The following CADPS variants were observed in gnomAD, a reference collection of about 807,000 sequenced individuals.
CADPS encodes the protein calcium dependent secretion activator.
A neutral mutation model predicts 167.3 loss-of-function variants in CADPS; 57 were observed. The ratio of observed to expected loss-of-function variants is 0.34; its 90% CI spans 0.28 to 0.42. The LOEUF (loss-of-function observed/expected upper bound fraction) is 0.42. Ranked by LOEUF, CADPS falls within the 20% of genes least tolerant of loss-of-function variation. The probability of loss-of-function intolerance (pLI) is 1.00; values close to 1 mark genes in which losing one functional copy is unlikely to be tolerated. For missense variants in CADPS, 1,414 were observed against 1,738.1 expected (o/e 0.81, Z 3.32); for synonymous variants, 676 against 635.3 (o/e 1.06, Z -0.96).
chr3:62,774,163 A>C (rs748122804), intron 1 of CADPS, among the ~76,000 whole-genome samples: 3 of 152,148 alleles, frequency 2.0e-5, no homozygotes, highest in Non-Finnish European at 4.4e-5. Context: ...AGAAGAGGAA[A>C]AGGATCAAAG....
intron 1 of CADPS, among the ~76,000 whole-genome samples, chr3:62,854,642 T>C (rs1445346450): frequency 1.3e-5 from 2 of 152,194 alleles, no homozygotes; most frequent in East Asian, 1.9e-4. Context: ...AGATTGCATG[T>C]TATCTTCTGG....
intron 6 of CADPS, among the ~76,000 whole-genome samples, chr3:62,634,052 C>T (rs2065800122): frequency 6.6e-6 from 1 of 152,126 alleles, no homozygotes; most frequent in Non-Finnish European, 1.5e-5. Flanking sequence ...TTCAGTATGG[C>T]CAATCGTTGA....
chr3:62,788,469 C>T (rs1424347587), intron 1 of CADPS, among the ~76,000 whole-genome samples: 3 of 152,066 alleles, frequency 2.0e-5, no homozygotes, highest in East Asian at 1.9e-4. Flanking sequence ...TAAACAAGAT[C>T]GTAAATAAGG....
chr3:62,702,690 G>C (rs1348011864), intron 3 of CADPS, among the ~76,000 whole-genome samples: 3 of 152,072 alleles, frequency 2.0e-5, no homozygotes, highest in Non-Finnish European at 4.4e-5. Context: ...TGTTTTATCT[G>C]CCTTCTTCAT....
At chr3:62,614,396 A>G (rs1221656005) in intron 6 of CADPS, among the ~76,000 whole-genome samples, 1 of 152,196 alleles carries the variant, frequency 6.6e-6, no homozygotes, top group African/African-American at 2.4e-5. Flanking sequence ...AGGGTGGCTT[A>G]CTTCAGTCAA....
intron 13 of CADPS, among the ~76,000 whole-genome samples, chr3:62,529,833 G>A (rs1324416193): frequency 6.6e-6 from 1 of 152,184 alleles, no homozygotes; most frequent in Non-Finnish European, 1.5e-5. Context: ...TGAGAATTTT[G>A]GGTAGCTTGG....
intron 18 of CADPS, among the ~76,000 whole-genome samples, chr3:62,495,675 A>G (rs1279788881): frequency 1.3e-5 from 2 of 152,222 alleles, no homozygotes; most frequent in African/African-American, 4.8e-5. Context: ...ACTCCTCTAT[A>G]TACCACAATA....
chr3:62,865,061 A>G (rs2081434710), intron 1 of CADPS, among the ~76,000 whole-genome samples: 1 of 152,178 alleles, frequency 6.6e-6, no homozygotes, highest in Non-Finnish European at 1.5e-5. Context: ...TGAACACAGT[A>G]TGTTATGACA....
At chr3:62,623,836 A>G (rs2063562534) in intron 6 of CADPS, among the ~76,000 whole-genome samples, 1 of 152,152 alleles carries the variant, frequency 6.6e-6, no homozygotes, top group Non-Finnish European at 1.5e-5. Flanking sequence ...AAATGCTTTG[A>G]TATCATAAAT....
intron 8 of CADPS, among the ~76,000 whole-genome samples, chr3:62,580,414 C>T (rs1298200271): frequency 6.6e-6 from 1 of 151,944 alleles, no homozygotes; most frequent in Non-Finnish European, 1.5e-5. Context: ...GGAAAGGGAA[C>T]ATCACACTCT....
chr3:62,603,748 A>G (rs1285079831), intron 6 of CADPS, among the ~76,000 whole-genome samples: 2 of 152,106 alleles, frequency 1.3e-5, no homozygotes, highest in Non-Finnish European at 2.9e-5. Flanking sequence ...CATATTGATC[A>G]TAGTTTTTAT....
At chr3:62,535,623 A>G (rs1306347206) in intron 12 of CADPS, among the ~76,000 whole-genome samples, 1 of 151,994 alleles carries the variant, frequency 6.6e-6, no homozygotes, top group Non-Finnish European at 1.5e-5. Flanking sequence ...ATTTTCCCTC[A>G]TCTTTCCCAT....
At chr3:62,768,689 T>C (rs1166900483) in intron 1 of CADPS, among the ~76,000 whole-genome samples, 4 of 152,176 alleles carry the variant, frequency 2.6e-5, no homozygotes, top group East Asian at 3.9e-4. Flanking sequence ...GGGCTTTTCT[T>C]CAGGGATCTT....
chr3:62,784,547 G>A (rs1606465), intron 1 of CADPS, among the ~76,000 whole-genome samples: 3,473 of 152,230 alleles, frequency 0.023, 63 homozygotes, highest in South Asian at 0.062. Context: ...TTTATTATGT[G>A]TCTACTGATG....
intron 1 of CADPS, among the ~76,000 whole-genome samples, chr3:62,800,016 A>G (rs929074520): frequency 5.3e-5 from 8 of 152,168 alleles, no homozygotes; most frequent in African/African-American, 1.9e-4. Flanking sequence ...GCAGTACCTT[A>G]TAAGATTGGG....
chr3:62,776,883 G>A (rs549185302), intron 1 of CADPS, among the ~76,000 whole-genome samples: 67 of 152,226 alleles, frequency 4.4e-4, no homozygotes, highest in Middle Eastern at 3.4e-3. Context: ...ATTCCAGGTT[G>A]AGGGTACAAA....
intron 3 of CADPS, among the ~76,000 whole-genome samples, chr3:62,699,072 C>T (rs1165145708): frequency 1.3e-5 from 2 of 152,008 alleles, no homozygotes; most frequent in Non-Finnish European, 2.9e-5. Flanking sequence ...ATCACCCAAG[C>T]ATTGTACACT....
At chr3:62,558,772 T>G (rs990154952) in intron 9 of CADPS, among the ~76,000 whole-genome samples, 1 of 152,192 alleles carries the variant, frequency 6.6e-6, no homozygotes, top group African/African-American at 2.4e-5. Context: ...GATGGAAACT[T>G]TACCGCCCCA....
intron 10 of CADPS, among the ~76,000 whole-genome samples, chr3:62,556,936 T>C (rs1012089604): frequency 4.7e-5 from 7 of 150,374 alleles, no homozygotes; most frequent in Non-Finnish European, 1.5e-5. Flanking sequence ...ATGGATATAT[T>C]GGGCAGGCTC....
Sources: gnomAD v4.1 joint callset for allele counts (sites outside exome capture counted in the v4.1 genomes callset) on GRCh38, gnomAD v4.1.1 for gene constraint, MANE v1.5 for transcripts, NCBI Gene and HGNC (gene_info 2026-07-23, HGNC 2026-07-21) for gene names.